Variants in KLF13 observed in about 807,000 individuals in gnomAD.
The protein encoded by KLF13 is Krueppel-like factor 13.
Under a neutral mutation model 16.7 loss-of-function variants are expected in KLF13, and 8 were observed. That is an observed-to-expected ratio of 0.48 (90% CI 0.28 to 0.87). The LOEUF is 0.87. Ranked by LOEUF, KLF13 falls within the 40% of genes least tolerant of loss-of-function variation. The pLI is 0.10. For synonymous variants in KLF13, 245 were observed against 208.4 expected (o/e 1.18, Z -1.51); for missense variants, 447 against 452.2 (o/e 0.99, Z 0.10).
chr15:31,388,207 TTTGA>T (rs1041703416), upstream of KLF13, among the ~76,000 whole-genome samples: 24 of 152,164 alleles, frequency 1.6e-4, no homozygotes, highest in Non-Finnish European at 2.8e-4. Flanking sequence ...TGTTTGTTTG[TTTGA>T]TTGTTTGTTT....
At chr15:31,409,226 A>G (rs1015091803), downstream of KLF13, among the ~76,000 whole-genome samples, 6 of 152,144 alleles carry the variant, frequency 3.9e-5, no homozygotes, top group African/African-American at 1.4e-4. Context: ...CGGAGTTCAC[A>G]GTGAGTCAAA....
chr15:31,416,275 G>A (rs2040256975), intron 1 of KLF13, among the ~76,000 whole-genome samples: 1 of 151,986 alleles, frequency 6.6e-6, no homozygotes, highest in Non-Finnish European at 1.5e-5. Flanking sequence ...TAAAAAAGGG[G>A]TGGGAACACT....
intron 1 of KLF13, among the ~76,000 whole-genome samples, chr15:31,434,147 C>T (rs2040503171): frequency 6.6e-6 from 1 of 152,192 alleles, no homozygotes; most frequent in South Asian, 2.1e-4. Flanking sequence ...AGGCTCGTTG[C>T]TTCGCGTCCG....
intron 1 of KLF13, among the ~76,000 whole-genome samples, chr15:31,421,969 G>T (rs2040331303): frequency 6.6e-6 from 1 of 151,914 alleles, no homozygotes; most frequent in African/African-American, 2.4e-5. Flanking sequence ...TAAAAAATTA[G>T]CAGGGCATGG....
downstream of KLF13, among the ~76,000 whole-genome samples, chr15:31,409,079 G>C (rs944031988): frequency 2.0e-5 from 3 of 152,100 alleles, no homozygotes; most frequent in Non-Finnish European, 2.9e-5. Flanking sequence ...GAGGTCAGGA[G>C]TTCCAGACCA....
chr15:31,333,315 C>T (rs1195180426), intron 1 of KLF13, among the ~76,000 whole-genome samples: 2 of 152,192 alleles, frequency 1.3e-5, no homozygotes, highest in Non-Finnish European at 2.9e-5. Flanking sequence ...GCCTGGGCAG[C>T]CGCCCCCGAG....
intron 1 of KLF13, among the ~76,000 whole-genome samples, chr15:31,415,220 C>T (rs1188882876): frequency 6.6e-6 from 1 of 152,144 alleles, no homozygotes; most frequent in Non-Finnish European, 1.5e-5. Context: ...CTTGTAAAGC[C>T]TGCAGAACCA....
chr15:31,332,358 A>G (rs531048266), intron 1 of KLF13, among the ~76,000 whole-genome samples: 2 of 152,346 alleles, frequency 1.3e-5, no homozygotes, highest in African/African-American at 4.8e-5. Context: ...TTAAAACAGT[A>G]CCAGCAAAAC....
intron 1 of KLF13, among the ~76,000 whole-genome samples, chr15:31,354,602 C>G (rs2039271322): frequency 6.6e-6 from 1 of 152,306 alleles, no homozygotes; most frequent in South Asian, 2.1e-4. Flanking sequence ...CCGGGCTGGT[C>G]TTGAACTCTT....
chr15:31,371,898 T>G, intron 1 of KLF13, 112 bp from the exon 2 acceptor site: 7 of 1,184,910 alleles, frequency 5.9e-6, no homozygotes, highest in Non-Finnish European at 8.2e-6. Context: ...AGGTGGGGCA[T>G]GTGGGAGGGG....
chr15:31,364,655 G>T (rs554435954), intron 1 of KLF13, among the ~76,000 whole-genome samples: 2 of 152,386 alleles, frequency 1.3e-5, no homozygotes, highest in South Asian at 4.1e-4. Context: ...AAGGAGTGGA[G>T]GTAGAGCAGG....
chr15:31,434,968 A>G (rs985100897), intron 1 of KLF13, among the ~76,000 whole-genome samples: 1 of 152,170 alleles, frequency 6.6e-6, no homozygotes, highest in Admixed American at 6.5e-5. Flanking sequence ...TAGGGCTGAA[A>G]TCATGTTCAA....
chr15:31,374,832 G>A lies in KLF13; in HGVS notation c.*2533G>A, dbSNP rs2039617831. 7.9e-6 allele frequency: 1 copy of A among 126,116 alleles called. No individual in the cohort carries two copies. The highest frequency in any genetic ancestry group is 2.9e-4 in the South Asian group (1 of 3,436). 7.8% of individuals were successfully genotyped at this position (126,116 alleles called of 1,614,324 possible). On this transcript the variant is annotated 3_prime_UTR_variant, in exon 2 of 2. Coordinates refer to ENST00000307145, the MANE Select transcript of KLF13 (RefSeq NM_015995.4). Reference sequence around the variant, plus strand: ...TAGTCATCTTGGAATAAAAAGAAGAGCTGGTTTGTTTTAGAGCAGGGCGGG... The same window carrying A: ...TAGTCATCTTGGAATAAAAAGAAGAACTGGTTTGTTTTAGAGCAGGGCGGG...
At chr15:31,367,809 CTGTA>C (rs2140962979) in intron 1 of KLF13, among the ~76,000 whole-genome samples, 1 of 152,336 alleles carries the variant, frequency 6.6e-6, no homozygotes, top group South Asian at 2.1e-4. Flanking sequence ...CATGGGATCA[CTGTA>C]TGGACCCCCC....
chr15:31,397,803 G>T (rs2039974156), intron 2 of KLF13, among the ~76,000 whole-genome samples: 1 of 150,934 alleles, frequency 6.6e-6, no homozygotes, highest in Non-Finnish European at 1.5e-5. Context: ...CACAGATGAG[G>T]ACGTGGAGGG....
intron 1 of KLF13, among the ~76,000 whole-genome samples, chr15:31,370,066 T>TA (rs1437759045): frequency 4.1e-5 from 6 of 147,512 alleles, no homozygotes; most frequent in Non-Finnish European, 4.5e-5. Context: ...TTTTTTTTTT[T>TA]ACTCTTTGAC....
In KLF13 at chr15:31,375,837, C is replaced by T. The variant is rs2039634892; in HGVS notation, c.*3538C>T. 6.6e-6 allele frequency: 1 copy of T among 152,278 alleles called. No homozygotes were observed. The highest frequency in any genetic ancestry group is 2.4e-5 in the African/African-American group (1 of 41,420). The allele number at this position is 152,278 out of a possible 1,614,324, so 9.4% of individuals were successfully genotyped here. ...GGAACATGGTCCTGGAGGTGCCCTACCTGCATCCTGCTGCACCCCCACCCA... is the reference window on the plus strand; with the variant it reads ...GGAACATGGTCCTGGAGGTGCCCTATCTGCATCCTGCTGCACCCCCACCCA... On this transcript the variant is annotated 3_prime_UTR_variant, in exon 2 of 2. Coordinates refer to ENST00000307145, the MANE Select transcript of KLF13 (RefSeq NM_015995.4).
chr15:31,380,612 G>A (rs1226732047), downstream of KLF13, among the ~76,000 whole-genome samples: 2 of 152,200 alleles, frequency 1.3e-5, no homozygotes, highest in South Asian at 2.1e-4. Context: ...CAGACTAGGC[G>A]ATGTGTAGCT....
chr15:31,353,572 C>G (rs1369418703), intron 1 of KLF13, among the ~76,000 whole-genome samples: 1 of 152,264 alleles, frequency 6.6e-6, no homozygotes, highest in African/African-American at 2.4e-5. Flanking sequence ...AGAGAACAAG[C>G]TGTTGTCCTC....
Sources: gnomAD v4.1 joint callset for allele counts (sites outside exome capture counted in the v4.1 genomes callset) on GRCh38, gnomAD v4.1.1 for gene constraint, MANE v1.5 for transcripts, NCBI Gene and HGNC (gene_info 2026-07-23, HGNC 2026-07-21) for gene names.